Variants in PLEKHG6 observed in about 807,000 individuals in gnomAD.
PLEKHG6 encodes the protein pleckstrin homology domain-containing family G member 6.
A neutral mutation model predicts 97.5 loss-of-function variants in PLEKHG6; 91 were observed. The observed-to-expected ratio is 0.93, with a 90% CI of 0.79 to 1.11. The LOEUF (loss-of-function observed/expected upper bound fraction) is 1.11, where lower values mean the gene tolerates loss of function less well. Among genes scored for constraint, PLEKHG6 ranks in the 50% most tolerant of loss-of-function variants. The pLI, the probability that PLEKHG6 is intolerant of heterozygous loss-of-function variation, is 0.00. For missense variants in PLEKHG6, 1,044 were observed against 1,031.0 expected (o/e 1.01, Z -0.17); for synonymous variants, 466 against 425.5 (o/e 1.10, Z -1.17).
intron 1 of PLEKHG6, 75 bp from the exon 2 acceptor site, chr12:6,312,084 A>G: frequency 1.6e-6 from 1 of 621,170 alleles, no homozygotes; most frequent in Non-Finnish European, 2.5e-6. Flanking sequence ...CAGGCCCCCT[A>G]CCAGCCTTGG....
chr12:6,318,252 T>C, intron 10 of PLEKHG6, 49 bp from the exon 11 acceptor site: 1 of 1,612,098 alleles, frequency 6.2e-7, no homozygotes, highest in East Asian at 2.2e-5. Context: ...GGCCAGGAAG[T>C]CCAGGCAGAC....
At chr12:6,323,996 A>G (rs1040175474) in intron 13 of PLEKHG6, among the ~76,000 whole-genome samples, 4 of 152,056 alleles carry the variant, frequency 2.6e-5, no homozygotes, top group African/African-American at 9.7e-5. Context: ...CACCCCAGAG[A>G]CAGCAGGGAA....
At chr12:6,312,621 G>A (rs1039413564) in intron 2 of PLEKHG6, 7 of 1,281,348 alleles carry the variant, frequency 5.5e-6, no homozygotes, top group Non-Finnish European at 6.9e-6. Flanking sequence ...CTGTTAGACA[G>A]GTCTCAGACA....
At chr12:6,324,266 G>A (rs1385285335) in intron 13 of PLEKHG6, among the ~76,000 whole-genome samples, 10 of 47,684 alleles carry the variant, frequency 2.1e-4, no homozygotes, top group East Asian at 7.0e-4. Flanking sequence ...CCCCTACCCC[G>A]TACTCGGGGC....
At position 6,319,433 on chromosome 12, in the gene PLEKHG6, G is replaced by A. The variant is rs1947624840; in HGVS notation, c.1524+325G>A. ...ACTGCACTCTAGCCTGGGTGACAGA[G>A]TGAGACCCTGAAGAAGAAGGAAAAA... is the stretch of plus-strand genomic sequence containing the variant. On this transcript the variant is annotated intron_variant, in intron 13 of 15. Coordinates refer to ENST00000684764, the MANE Select transcript of PLEKHG6 (RefSeq NM_001384598.1). 5 of 1,128,940 alleles carry A rather than the reference G, an allele frequency of 4.4e-6. No individual in the cohort carries two copies. In the South Asian group the frequency reaches 8.4e-5, roughly 19 times the overall value. 69.9% of individuals were successfully genotyped at this position (1,128,940 alleles called of 1,614,324 possible).
chr12:6,323,172 A>G (rs892557765), intron 13 of PLEKHG6, among the ~76,000 whole-genome samples: 7 of 152,206 alleles, frequency 4.6e-5, no homozygotes, highest in African/African-American at 1.7e-4. Flanking sequence ...GTATTTTACT[A>G]TGCAAAACAA....
At chr12:6,319,881 A>T (rs575887024) in intron 13 of PLEKHG6, 1 of 158,646 alleles carries the variant, frequency 6.3e-6, no homozygotes, top group East Asian at 1.9e-4. Flanking sequence ...TGTAGAATGA[A>T]GCTGGGACAG....
Position 6,327,242 on chromosome 12 carries a change from C to T in PLEKHG6, c.1671-12C>T. 6.5e-7 allele frequency: 1 copy of T among 1,538,798 alleles called. No individual in the cohort carries two copies. ...GACCCCTACGCATCTGACTCTTTGC[C>T]ATTAACTGTAGGACTCCTGAGTTCT... On this transcript the variant is annotated splice_polypyrimidine_tract_variant and intron_variant, in intron 14 of 15. Coordinates refer to ENST00000684764, the MANE Select transcript of PLEKHG6 (RefSeq NM_001384598.1).
chr12:6,318,692 C>T (rs537106431), intron 11 of PLEKHG6, 53 bp from the exon 12 acceptor site: 2 of 1,592,144 alleles, frequency 1.3e-6, no homozygotes, highest in East Asian at 2.2e-5. Flanking sequence ...CGGACCAGCC[C>T]TGCCCCTGGC....
In PLEKHG6 at chr12:6,319,100, C is replaced by A. The variant is rs61753336; in HGVS notation, c.1516C>A (p.Gln506Lys). The A allele has an allele frequency of 3.1e-6, 5 of 1,604,236 alleles. No homozygotes were observed. Among genetic ancestry groups the A allele is most frequent in the Non-Finnish European group, 4.3e-6 (5 of 1,172,522 alleles). The change falls in exon 13 of 16, where the codon CAG becomes AAG. Residue 506 changes from glutamine (Q) to lysine (K), a missense_variant. Gln to Lys is a moderately conservative substitution (Grantham distance 53). Transcript: ENST00000684764. ...DRAQWLEKTQ[Q>K]AQAALQKLKA... ...TGCCCAGTGGCTGGAGAAGACCCAG[C>A]AGGCCCAGGTATGGGAAAGCCAGCA...
Position 6,315,163 on chromosome 12 carries a change from GCACAAGGTGAGCCTGAAACT to G in PLEKHG6, c.459+6_459+25del, listed in dbSNP as rs776009020. The G allele has an allele frequency of 8.1e-6, 13 of 1,610,340 alleles. No individual in the cohort carries two copies. The South Asian group carries it at 9.9e-5, about 12-fold the overall frequency. On this transcript the variant is annotated splice_donor_variant and splice_donor_5th_base_variant and coding_sequence_variant and intron_variant, in exon 4 of 16. Transcript: ENST00000684764. LOFTEE classifies it high-confidence loss of function. This position sits in a 1 kb window ranked among gnomAD's most constrained non-coding sequence, Gnocchi z 4.5. ...AGTCCTGGAGGGAGCTGGTGCCTGG[GCACAAGGTGAGCCTGAAACT>G]CACAAGGTGAGTCTGTCCCCACGGC...
In PLEKHG6 at chr12:6,314,929, C is replaced by T; in HGVS notation, c.295-76C>T. The T allele has an allele frequency of 2.1e-6, 3 of 1,420,900 alleles. No individual in the cohort carries two copies. The South Asian group carries it at 3.7e-5, about 18-fold the overall frequency. 88.0% of individuals were successfully genotyped at this position (1,420,900 alleles called of 1,614,324 possible). A position where few individuals can be genotyped will look rare whatever the true frequency, so the allele number is the denominator to read the frequency against. On this transcript the variant is annotated intron_variant, in intron 3 of 15. Coordinates refer to ENST00000684764, the MANE Select transcript of PLEKHG6 (RefSeq NM_001384598.1). ...ACACACTTTAACACACATGCACACA[C>T]ACACAGCCCTCCCGGGGCCCTGTGG...
Position 6,328,466 on chromosome 12 carries a change from T to C in PLEKHG6, c.*321T>C, listed in dbSNP as rs1293977432. 6.6e-6 allele frequency: 2 copies of C among 301,976 alleles called. No individual in the cohort carries two copies. The highest frequency in any genetic ancestry group is 1.2e-5 in the Non-Finnish European group (2 of 163,618). The allele number at this position is 301,976 out of a possible 1,614,324, so 18.7% of individuals were successfully genotyped here. A position where few individuals can be genotyped will look rare whatever the true frequency, so the allele number is the denominator to read the frequency against. ...GAGTTCCAGACCAGCCTGGGCAATA[T>C]AGGGAAACCCTGTCTTTACAAAAAA... On this transcript the variant is annotated 3_prime_UTR_variant, in exon 16 of 16. Transcript: ENST00000684764.
Position 6,318,794 on chromosome 12 carries a change from C to G in PLEKHG6, c.1325C>G (p.Pro442Arg), listed in dbSNP as rs1424649149. 5.0e-6 allele frequency: 8 copies of G among 1,614,030 alleles called. No individual in the cohort carries two copies. Among genetic ancestry groups the G allele is most frequent in the Non-Finnish European group, 5.9e-6 (7 of 1,180,002 alleles). The change falls in exon 12 of 16, where the codon CCC becomes CGC. Residue 442 changes from proline (P) to arginine (R), a missense_variant. Transcript: ENST00000684764. ...TCTGATGTGCTCCTTGTGACCAAGC[C>G]CCAGCGCAAGGCGGACAAAGCCAAG... The part of the protein sequence containing the change: ...LFSDVLLVTK[P>R]QRKADKAKVI...
Position 6,311,476 on chromosome 12 carries a change from G to A in PLEKHG6, c.-69+628G>A, listed in dbSNP as rs113948883. Among the ~76,000 whole-genome samples, 448 of 152,314 alleles carry A rather than the reference G, an allele frequency of 2.9e-3. 2 individuals carry two copies. The highest frequency in any genetic ancestry group is 2.7e-3 in the Non-Finnish European group (185 of 68,028). ...CCAGACAGTAAAGATTAGAGACTTC[G>A]CGGCCTACACCGTCTGTCCCAACTA... On this transcript the variant is annotated intron_variant, in intron 1 of 15. Transcript: ENST00000684764.
intron 2 of PLEKHG6, chr12:6,313,060 A>C: frequency 6.6e-7 from 1 of 1,516,362 alleles, no homozygotes; most frequent in South Asian, 1.2e-5. Context: ...AGGCAAATGA[A>C]GGAATGTGAC....
At chr12:6,318,246 A>G in intron 10 of PLEKHG6, 55 bp from the exon 11 acceptor site, 1 of 1,610,408 alleles carries the variant, frequency 6.2e-7, no homozygotes, top group Non-Finnish European at 8.5e-7. Flanking sequence ...GCCCTTGGCC[A>G]GGAAGTCCAG....
rs1161860115 is a variant in PLEKHG6, at chr12:6,327,464, G to A, written c.1881G>A (p.Arg627=). The change falls in exon 15 of 16, where the codon CGG becomes CGA. Residue 627 remains arginine, a synonymous_variant. Transcript: ENST00000684764. ...PRLTFSTLEL[R]DIPLRPHPPD... ...TCACCTTCTCCACCCTGGAACTCCGGGACATCCCTCTGCGTCCCCACCCTC... is the reference window on the plus strand; with the variant it reads ...TCACCTTCTCCACCCTGGAACTCCGAGACATCCCTCTGCGTCCCCACCCTC... The A allele has an allele frequency of 1.9e-6, 3 of 1,612,458 alleles. No homozygotes were observed. Among genetic ancestry groups the A allele is most frequent in the African/African-American group, 1.3e-5 (1 of 74,894 alleles).
chr12:6,316,536 A>C lies in PLEKHG6; in HGVS notation c.756+132A>C. The C allele has an allele frequency of 1.3e-6, 1 of 765,470 alleles. No individual in the cohort carries two copies. The highest frequency in any genetic ancestry group is 2.0e-6 in the Non-Finnish European group (1 of 508,518). 47.4% of individuals were successfully genotyped at this position (765,470 alleles called of 1,614,324 possible). A position where few individuals can be genotyped will look rare whatever the true frequency, so the allele number is the denominator to read the frequency against. ...CCGCAGGACACAGCCCCTACCCCTA[A>C]TATCACCTCACCTCCTCCCTTCATG... On this transcript the variant is annotated intron_variant, in intron 7 of 15. Transcript: ENST00000684764. The surrounding 1 kb of genome is among the most constrained non-coding windows in gnomAD (Gnocchi z 4.1).
Sources: allele counts gnomAD v4.1 joint callset (sites outside exome capture counted in the v4.1 genomes callset), GRCh38; gene constraint gnomAD v4.1.1; non-coding constraint Gnocchi (gnomAD v3.1); transcripts MANE v1.5; gene names NCBI Gene and HGNC (gene_info 2026-07-23, HGNC 2026-07-21).